Variants in CLDN14 observed in about 807,000 individuals in gnomAD.
CLDN14 encodes claudin 14.
Under a neutral mutation model 2.1 loss-of-function variants are expected in CLDN14, and 2 were observed. That is an observed-to-expected ratio of 0.96 (90% CI 0.39 to 3.01). The LOEUF (loss-of-function observed/expected upper bound fraction) is 3.01. CLDN14 is among the 30% of genes most tolerant of loss of function. The pLI is 0.09. For synonymous variants in CLDN14, 136 were observed against 154.4 expected (o/e 0.88, Z 0.88); for missense variants, 298 against 328.0 (o/e 0.91, Z 0.71).
At position 36,463,442 on chromosome 21, in the gene CLDN14, C is replaced by T. The variant is rs964753890; in HGVS notation, c.-81-1666G>A. On this transcript the variant is annotated intron_variant, in intron 1 of 1. Transcript: ENST00000399135. Reference sequence around the variant, plus strand: ...TCAAGAAATCCCCATCGGGGCTCGGCGGCTCACGCCTGTAATCCCAGCACT... The same window carrying T: ...TCAAGAAATCCCCATCGGGGCTCGGTGGCTCACGCCTGTAATCCCAGCACT... Among the ~76,000 whole-genome samples, 10 of 152,246 alleles carry T rather than the reference C, an allele frequency of 6.6e-5. No individual in the cohort carries two copies. In the East Asian group the frequency reaches 1.5e-3, roughly 24 times the overall value.
intron 1 of CLDN14, among the ~76,000 whole-genome samples, chr21:36,540,125 G>GGTGT (rs35491523): frequency 6.6e-6 from 1 of 151,204 alleles, no homozygotes; most frequent in Non-Finnish European, 1.5e-5. Flanking sequence ...TGTGGTGTGT[G>GGTGT]GTGTGTGTGT....
chr21:36,563,295 T>C lies in CLDN14; in HGVS notation c.-220+13116A>G, dbSNP rs547523456. On this transcript the variant is annotated intron_variant, in intron 1 of 2. Coordinates refer to the CLDN14 transcript ENST00000342108. ...AGCATCTCCGTGCATTATTGGGGTT[T>C]TAAATCCTAAATCACTACATACAGT... is the stretch of plus-strand genomic sequence containing the variant. Among the ~76,000 whole-genome samples the C allele has an allele frequency of 3.3e-5, 5 of 152,260 alleles. No individual in the cohort carries two copies. The South Asian group carries it at 1.0e-3, about 32-fold the overall frequency.
rs1254878459 is a variant in CLDN14, at chr21:36,498,846, T to TG, written c.-82+11516dup. Among the ~76,000 whole-genome samples, 1 of 152,060 alleles carries TG rather than the reference T, an allele frequency of 6.6e-6. No individual in the cohort carries two copies. The highest frequency in any genetic ancestry group is 2.4e-5 in the African/African-American group (1 of 41,392). On this transcript the variant is annotated intron_variant, in intron 2 of 2. Coordinates refer to the CLDN14 transcript ENST00000342108. The surrounding 1 kb of genome is among the most constrained non-coding windows in gnomAD (Gnocchi z 4.9). ...GAAGGTGGCCGCTGAGGGGCCCTCA[T>TG]GGGGGCTGAAATTCAACCAAGGCTT...
intron 1 of CLDN14, among the ~76,000 whole-genome samples, chr21:36,557,891 T>A (rs560878764): frequency 2.6e-5 from 4 of 152,360 alleles, no homozygotes; most frequent in Non-Finnish European, 5.9e-5. Context: ...TTTTCCTTAA[T>A]GCTTTCCTCT....
intron 2 of CLDN14, among the ~76,000 whole-genome samples, chr21:36,503,484 T>C (rs1394573738): frequency 6.6e-6 from 1 of 152,194 alleles, no homozygotes; most frequent in East Asian, 1.9e-4. Context: ...AGAGATCTGA[T>C]GGTTTTAAAA....
chr21:36,560,644 G>A (rs189541436), intron 1 of CLDN14, among the ~76,000 whole-genome samples: 26 of 152,322 alleles, frequency 1.7e-4, no homozygotes, highest in Non-Finnish European at 1.2e-4. Flanking sequence ...TAGTCATGGT[G>A]TATGATCCTT....
At chr21:36,485,815 C>G (rs1369791652) in intron 2 of CLDN14, 2 of 396,228 alleles carry the variant, frequency 5.0e-6, no homozygotes, top group African/African-American at 2.1e-5. Context: ...AATGAAAGAT[C>G]AGATATAAAC....
upstream of CLDN14, among the ~76,000 whole-genome samples, chr21:36,481,362 G>A (rs2086843403): frequency 6.6e-6 from 1 of 152,070 alleles, no homozygotes; most frequent in Non-Finnish European, 1.5e-5. Flanking sequence ...AATATATAGG[G>A]GTACCAGCAT....
At chr21:36,555,439 T>C (rs1378583660) in intron 1 of CLDN14, among the ~76,000 whole-genome samples, 2 of 152,216 alleles carry the variant, frequency 1.3e-5, no homozygotes, top group African/African-American at 4.8e-5. Context: ...AACGATTTAG[T>C]CTCATTAAGT....
In CLDN14 at chr21:36,544,655, A is replaced by G. The variant is rs2087515097; in HGVS notation, c.-220+31756T>C. ...TGTATTTTATCCAAATATGCCGTGGACTTTGAAATGAACTCTTTACACCTC... is the reference window on the plus strand; with the variant it reads ...TGTATTTTATCCAAATATGCCGTGGGCTTTGAAATGAACTCTTTACACCTC... On this transcript the variant is annotated intron_variant, in intron 1 of 2. Transcript: ENST00000342108. This position sits in a 1 kb window ranked among gnomAD's most constrained non-coding sequence, Gnocchi z 4.1. 6.6e-6 allele frequency among the ~76,000 whole-genome samples: 1 copy of G among 152,210 alleles called. No homozygotes were observed. The highest frequency in any genetic ancestry group is 1.5e-5 in the Non-Finnish European group (1 of 68,044).
At chr21:36,549,267 T>TACAC (rs10640000) in intron 1 of CLDN14, among the ~76,000 whole-genome samples, 98,479 of 149,236 alleles carry the variant, frequency 0.66, 34,336 homozygotes, top group Non-Finnish European at 0.79. Context: ...ATGTGTGCAT[T>TACAC]ACACACACAC....
At chr21:36,571,773 A>G (rs976946475) in intron 1 of CLDN14, among the ~76,000 whole-genome samples, 3 of 152,290 alleles carry the variant, frequency 2.0e-5, no homozygotes, top group Admixed American at 6.5e-5. Context: ...CTCGGCTGGA[A>G]ATTCCAGGAT....
At chr21:36,489,561 G>C (rs538424598) in intron 2 of CLDN14, among the ~76,000 whole-genome samples, 25 of 152,280 alleles carry the variant, frequency 1.6e-4, no homozygotes, top group Middle Eastern at 6.8e-3. Context: ...CGAGGCAGCT[G>C]AGTAGCTGAT....
chr21:36,501,332 C>CTTTTTTTTTTT, intron 2 of CLDN14, among the ~76,000 whole-genome samples: 488 of 48,414 alleles, frequency 0.01, 145 homozygotes, highest in Non-Finnish European at 0.014. Context: ...CAATATCTCA[C>CTTTTTTTTTTT]TTTTTTTTTT....
chr21:36,563,575 TTC>T (rs1186123586), intron 1 of CLDN14, among the ~76,000 whole-genome samples: 3 of 152,220 alleles, frequency 2.0e-5, no homozygotes, highest in Non-Finnish European at 4.4e-5. Flanking sequence ...TCACTGATAA[TTC>T]TCTGTCAAAG....
intron 1 of CLDN14, among the ~76,000 whole-genome samples, chr21:36,561,395 T>G (rs2087634441): frequency 6.6e-6 from 1 of 152,208 alleles, no homozygotes; most frequent in Non-Finnish European, 1.5e-5. Context: ...CTACCTCTCT[T>G]GACTTGGGGG....
At chr21:36,540,340 C>T (rs1014476321) in intron 1 of CLDN14, among the ~76,000 whole-genome samples, 1 of 152,082 alleles carries the variant, frequency 6.6e-6, no homozygotes, top group African/African-American at 2.4e-5. Context: ...AGTTGTTATA[C>T]TGTGTTTTTA....
intron 2 of CLDN14, among the ~76,000 whole-genome samples, chr21:36,505,674 A>T (rs2087126487): frequency 6.6e-6 from 1 of 152,192 alleles, no homozygotes; most frequent in African/African-American, 2.4e-5. Flanking sequence ...CCTAGCACTG[A>T]CTTTGGGACA....
upstream of CLDN14, among the ~76,000 whole-genome samples, chr21:36,482,411 C>CGGATGGATGGATGGAT (rs75061949): frequency 6.3e-5 from 9 of 142,200 alleles, no homozygotes; most frequent in African/African-American, 1.6e-4. Context: ...GATGGATAGA[C>CGGATGGATGGATGGAT]GGATGGATGG....
Sources: gnomAD v4.1 joint callset for allele counts (sites outside exome capture counted in the v4.1 genomes callset) on GRCh38, gnomAD v4.1.1 for gene constraint, Gnocchi (gnomAD v3.1) non-coding constraint, MANE v1.5 for transcripts, NCBI Gene and HGNC (gene_info 2026-07-23, HGNC 2026-07-21) for gene names.